The following OTUD7A variants were observed in gnomAD, a reference collection of about 807,000 sequenced individuals.
OTUD7A encodes OTU deubiquitinase 7A, also known as OTU domain-containing protein 7A.
OTUD7A carries 12 observed loss-of-function variants against 65.7 expected under a neutral mutation model. The observed-to-expected ratio is 0.18, with a 90% confidence interval of 0.12 to 0.30. The LOEUF is 0.30. OTUD7A is among the 10% of genes least tolerant of loss of function. The probability of loss-of-function intolerance (pLI) is 1.00; values close to 1 mark genes in which losing one functional copy is unlikely to be tolerated. For missense variants in OTUD7A, 1,148 were observed against 1,304.8 expected (o/e 0.88, Z 1.85); for synonymous variants, 641 against 586.3 (o/e 1.09, Z -1.35).
rs138144039 is a variant in OTUD7A, at chr15:31,587,190, T to C, written c.152-16993A>G. 2.6e-3 allele frequency among the ~76,000 whole-genome samples: 398 copies of C among 152,254 alleles called. 1 individual carries two copies. The highest frequency in any genetic ancestry group is 9.1e-3 in the African/African-American group (379 of 41,548). On this transcript the variant is annotated intron_variant, in intron 3 of 12. Transcript: ENST00000307050. Reference sequence around the variant, plus strand: ...TTCACCTTAAAATATGCATTCTTGATCTAATCATAATCAAAATCTCTACCA... The same window carrying C: ...TTCACCTTAAAATATGCATTCTTGACCTAATCATAATCAAAATCTCTACCA...
At position 31,527,416 on chromosome 15, in the gene OTUD7A, C is replaced by G. The variant is rs149482467; in HGVS notation, c.653-108G>C. On this transcript the variant is annotated intron_variant, in intron 6 of 12. Transcript: ENST00000307050. ...CCACTGGGAGAGCCTCCTGTCTGCA[C>G]GCAGAACAGCCTCCTTACTCAGCGG... 2.8e-5 allele frequency: 39 copies of G among 1,397,968 alleles called. 2 individuals carry two copies. The South Asian group carries it at 3.0e-4, about 11-fold the overall frequency. 86.6% of individuals were successfully genotyped at this position (1,397,968 alleles called of 1,614,324 possible). A position where few individuals can be genotyped will look rare whatever the true frequency, so the allele number is the denominator to read the frequency against.
chr15:31,561,865 G>A (rs888494706), intron 4 of OTUD7A, among the ~76,000 whole-genome samples: 9 of 151,660 alleles, frequency 5.9e-5, no homozygotes, highest in African/African-American at 2.2e-4. Context: ...TAAATAAAAT[G>A]TTTTACAGGA....
intron 5 of OTUD7A, among the ~76,000 whole-genome samples, chr15:31,548,167 G>A (rs187540527): frequency 6.6e-6 from 1 of 152,216 alleles, no homozygotes; most frequent in East Asian, 1.9e-4. Flanking sequence ...TAAAGCTTGG[G>A]GACTGCCGTG....
At chr15:31,491,615 C>T (rs1296693326) in intron 10 of OTUD7A, among the ~76,000 whole-genome samples, 1 of 152,050 alleles carries the variant, frequency 6.6e-6, no homozygotes, top group Non-Finnish European at 1.5e-5. Flanking sequence ...AAGAATTTTT[C>T]AAAATTAATG....
chr15:31,674,470 T>C (rs1187809509), intron 1 of OTUD7A, among the ~76,000 whole-genome samples: 3 of 152,200 alleles, frequency 2.0e-5, no homozygotes, highest in Non-Finnish European at 4.4e-5. Flanking sequence ...CTAGCCCAGC[T>C]TCTTAGATGT....
rs185140889 is a variant in OTUD7A at position 31,721,813 on chromosome 15, C to T, written c.-99-64736G>A. Among the ~76,000 whole-genome samples, 967 of 152,316 alleles carry T rather than the reference C, an allele frequency of 6.3e-3. 8 individuals carry two copies. The highest frequency in any genetic ancestry group is 0.02 in the African/African-American group (838 of 41,554). On this transcript the variant is annotated intron_variant, in intron 1 of 12. Coordinates refer to ENST00000307050, the MANE Select transcript of OTUD7A (RefSeq NM_001382637.1). ...ACCAGGGATGCCTGCTCCTCACAGC[C>T]TGGCTGTGTCACGGGACTGAAGGCA...
chr15:31,486,607 C>A (rs972487583), intron 12 of OTUD7A, among the ~76,000 whole-genome samples: 1 of 152,110 alleles, frequency 6.6e-6, no homozygotes, highest in Non-Finnish European at 1.5e-5. Context: ...GGGGCAGCCC[C>A]GGACCCTCTG....
At chr15:31,803,961 C>T (rs1217609982) in intron 1 of OTUD7A, among the ~76,000 whole-genome samples, 1 of 152,178 alleles carries the variant, frequency 6.6e-6, no homozygotes, top group Non-Finnish European at 1.5e-5. Flanking sequence ...GGTGATGATA[C>T]CAGATGACAA....
chr15:31,724,750 C>T (rs866077401), intron 1 of OTUD7A, among the ~76,000 whole-genome samples: 2 of 152,166 alleles, frequency 1.3e-5, no homozygotes, highest in African/African-American at 4.8e-5. Context: ...CAGCCTTTAC[C>T]TGAAGGAATG....
At chr15:31,831,424 C>G (rs936268024) in intron 1 of OTUD7A, among the ~76,000 whole-genome samples, 5 of 98,790 alleles carry the variant, frequency 5.1e-5, no homozygotes, top group African/African-American at 1.6e-4. Context: ...TGTGAATGAT[C>G]AATCAATGTC....
chr15:31,852,912 A>T (rs1342264077), intron 1 of OTUD7A, among the ~76,000 whole-genome samples: 1 of 152,222 alleles, frequency 6.6e-6, no homozygotes, highest in African/African-American at 2.4e-5. Context: ...GACTTCCAAA[A>T]GACAGGTGGT....
At chr15:31,658,534 G>A (rs1320417939) in intron 1 of OTUD7A, among the ~76,000 whole-genome samples, 1 of 151,966 alleles carries the variant, frequency 6.6e-6, no homozygotes, top group Non-Finnish European at 1.5e-5. Flanking sequence ...GGACTCTGTG[G>A]GAACTATGAG....
Position 31,714,575 on chromosome 15 carries a change from C to G in OTUD7A, c.-99-57498G>C, listed in dbSNP as rs1289162268. Among the ~76,000 whole-genome samples the G allele has an allele frequency of 3.3e-5, 5 of 152,182 alleles. No homozygotes were observed. The East Asian group carries it at 9.6e-4, about 29-fold the overall frequency. ...TTTGATGTGCATTTTTCTGTATGTA[C>G]ATTATTCTTCAATAAAAACAATGAG... On this transcript the variant is annotated intron_variant, in intron 1 of 12. Transcript: ENST00000307050.
chr15:31,863,028 G>GC (rs1382570570), intron 1 of OTUD7A, among the ~76,000 whole-genome samples: 1 of 152,172 alleles, frequency 6.6e-6, no homozygotes, highest in Admixed American at 6.5e-5. Context: ...CAAGGCCCAG[G>GC]CAAGTCCAAA....
At chr15:31,791,071 G>C (rs1895801128) in intron 1 of OTUD7A, among the ~76,000 whole-genome samples, 1 of 152,184 alleles carries the variant, frequency 6.6e-6, no homozygotes. Flanking sequence ...TCTGTCGCCA[G>C]GCTGGAGTGC....
chr15:31,807,186 C>T (rs912837100), intron 1 of OTUD7A, among the ~76,000 whole-genome samples: 4 of 151,782 alleles, frequency 2.6e-5, no homozygotes, highest in Admixed American at 1.3e-4. Context: ...TCAATAACAC[C>T]GTTCCCATTT....
rs1314858778 is a variant in OTUD7A, at chr15:31,855,932, C to CA, written c.-100+14574dup. Among the ~76,000 whole-genome samples the CA allele has an allele frequency of 4.6e-5, 7 of 152,324 alleles. No individual in the cohort carries two copies. In the East Asian group the frequency reaches 1.2e-3, roughly 25 times the overall value. ...TGTTCCTGGGCACTCAGCTAACCCA[C>CA]AGGACTATAAATTGAGTGGCCGGGG... is the stretch of plus-strand genomic sequence containing the variant. On this transcript the variant is annotated intron_variant, in intron 1 of 12. Transcript: ENST00000307050.
chr15:31,505,807 T>C (rs1474133079), intron 8 of OTUD7A, among the ~76,000 whole-genome samples: 1 of 151,616 alleles, frequency 6.6e-6, no homozygotes, highest in Non-Finnish European at 1.5e-5. Context: ...TGGAGTGCAG[T>C]GGCATGATCT....
At chr15:31,669,302 T>G (rs551447173) in intron 1 of OTUD7A, among the ~76,000 whole-genome samples, 1 of 152,310 alleles carries the variant, frequency 6.6e-6, no homozygotes, top group East Asian at 1.9e-4. Context: ...TAGTTCAGAC[T>G]GTCCTTCGGT....
Sources: gnomAD v4.1 joint callset for allele counts (sites outside exome capture counted in the v4.1 genomes callset) on GRCh38, gnomAD v4.1.1 for gene constraint, MANE v1.5 for transcripts, NCBI Gene and HGNC (gene_info 2026-07-23, HGNC 2026-07-21) for gene names.